SH3BP2: variants seen among roughly 807,000 people sequenced by gnomAD.
SH3BP2 encodes the protein SH3 domain-binding protein 2.
In SH3BP2, 38 loss-of-function variants were observed where a neutral mutation model predicts 56.2. The ratio of observed to expected loss-of-function variants is 0.68; its 90% CI spans 0.52 to 0.89. SH3BP2 has a LOEUF of 0.89. Ranked by LOEUF, SH3BP2 falls within the 40% of genes least tolerant of loss-of-function variation. The pLI is 0.00. For missense variants in SH3BP2, 748 were observed against 762.6 expected (o/e 0.98, Z 0.23); for synonymous variants, 346 against 316.7 (o/e 1.09, Z -0.98).
At chr4:2,812,971 G>T (rs430979) in intron 1 of SH3BP2, among the ~76,000 whole-genome samples, 83,919 of 151,960 alleles carry the variant, frequency 0.55, 23,304 homozygotes, top group Admixed American at 0.63. Context: ...TGGAGGACCC[G>T]CAGGGACCTC....
At position 2,825,193 on chromosome 4, in the gene SH3BP2, C is replaced by T. The variant is rs777507314; in HGVS notation, c.425C>T (p.Thr142Ile). 2.5e-6 allele frequency: 4 copies of T among 1,576,686 alleles called. No homozygotes were observed. The highest frequency in any genetic ancestry group is 1.8e-5 in the Admixed American group (1 of 54,708). Reference protein sequence around the residue: ...FHEKKDLPLDTSDSSSDTDSF... With the variant: ...FHEKKDLPLDISDSSSDTDSF... Reference sequence around the variant, plus strand: ...GAAAAGAAAGACCTGCCCTTGGACACCAGGTGAGCCCGGGCCCAGGGCATA... The same window carrying T: ...GAAAAGAAAGACCTGCCCTTGGACATCAGGTGAGCCCGGGCCCAGGGCATA... The change falls in exon 5 of 13, where the codon ACC (threonine) becomes ATC (isoleucine). Residue 142 changes from threonine to isoleucine, a missense_variant. By Grantham distance (89) the Thr-to-Ile change is moderately conservative. Transcript: ENST00000503393.
Position 2,831,671 on chromosome 4 carries a change from T to C in SH3BP2, c.1342T>C (p.Tyr448His), listed in dbSNP as rs1473887092. The C allele has an allele frequency of 1.9e-6, 3 of 1,588,924 alleles. No individual in the cohort carries two copies. The highest frequency in any genetic ancestry group is 2.6e-6 in the Non-Finnish European group (3 of 1,166,866). Residue 448 changes from tyrosine (Y) to histidine (H), a missense_variant, in exon 9 of 13, where the codon TAT (tyrosine) becomes CAT (histidine). Physicochemically the swap from Tyr to His is moderately conservative, Grantham distance 83. Coordinates refer to ENST00000503393, the MANE Select transcript of SH3BP2 (RefSeq NM_001122681.2). The surrounding 1 kb of genome is among the most constrained non-coding windows in gnomAD (Gnocchi z 4.1). ...DTGGDDSDED[Y>H]EKVPLPNSVF... is the part of the protein sequence containing the mutation. ...TGGCGGGGACGACTCGGACGAGGAC[T>C]ATGAGAAGGCAAGGCTGAGCGGCAA... is the stretch of plus-strand genomic sequence containing the variant.
chr4:2,793,292 CGGGTCTCGGG>C (rs1263668261), intron 1 of SH3BP2, among the ~76,000 whole-genome samples, 154 bp downstream of exon 1: 1 of 115,028 alleles, frequency 8.7e-6, no homozygotes, highest in African/African-American at 3.5e-5. Flanking sequence ...CAGGTCTCGG[CGGGTCTCGGG>C]GGTCTCGGGG....
chr4:2,816,735 CATTA>C (rs1724018514), intron 1 of SH3BP2, among the ~76,000 whole-genome samples: 1 of 152,184 alleles, frequency 6.6e-6, no homozygotes. Context: ...TGGTGTATTA[CATTA>C]ATTGTTTTGA....
chr4:2,823,668 C>A (rs1262985604), intron 3 of SH3BP2: 2 of 371,592 alleles, frequency 5.4e-6, no homozygotes, highest in African/African-American at 4.2e-5. Flanking sequence ...GCACCCAGCT[C>A]TGGTTCTGGT....
Position 2,830,187 on chromosome 4 carries a change from C to G in SH3BP2, c.1241+40C>G, listed in dbSNP as rs59360049. 69,014 of 1,573,768 alleles carry G rather than the reference C, an allele frequency of 0.044. 1,824 individuals are homozygous for G. Among genetic ancestry groups the G allele is most frequent in the South Asian group, 0.091 (8,047 of 88,518 alleles). On this transcript the variant is annotated intron_variant, in intron 8 of 12. Coordinates refer to ENST00000503393, the MANE Select transcript of SH3BP2 (RefSeq NM_001122681.2). ...CGGCTGCAAGCCCTGCCTCCAGCTACAGGGACCCTGGCCTGGCCTCTGACG... is the reference window on the plus strand; with the variant it reads ...CGGCTGCAAGCCCTGCCTCCAGCTAGAGGGACCCTGGCCTGGCCTCTGACG...
chr4:2,824,611 A>T lies in SH3BP2; in HGVS notation c.240-2A>T, dbSNP rs1194939250. The stretch of plus-strand genomic sequence containing the variant: ...CCGTGACCCCTGGCGCTGTGCCCCC[A>T]GGGTGATGCGGGCGGCTGAGGAGAC... On this transcript the variant is annotated splice_acceptor_variant, in intron 3 of 12. Transcript: ENST00000503393. LOFTEE classifies it high-confidence loss of function. The T allele has an allele frequency of 6.2e-7, 1 of 1,612,380 alleles. No individual in the cohort carries two copies. The highest frequency in any genetic ancestry group is 8.5e-7 in the Non-Finnish European group (1 of 1,179,082).
chr4:2,795,105 G>A (rs1017643098), intron 1 of SH3BP2, among the ~76,000 whole-genome samples: 1 of 152,192 alleles, frequency 6.6e-6, no homozygotes, highest in African/African-American at 2.4e-5. Flanking sequence ...CCGTAGGGGG[G>A]ATGGTGGTGG....
At chr4:2,815,787 T>C (rs944449424) in intron 1 of SH3BP2, among the ~76,000 whole-genome samples, 1 of 152,188 alleles carries the variant, frequency 6.6e-6, no homozygotes, top group Admixed American at 6.5e-5. Flanking sequence ...CTTTTGGGGC[T>C]ACCTGGGTGT....
chr4:2,822,510 C>G (rs1724363779), intron 2 of SH3BP2, among the ~76,000 whole-genome samples: 1 of 152,216 alleles, frequency 6.6e-6, no homozygotes, highest in Admixed American at 6.5e-5. Context: ...GCTGGGATCG[C>G]AGGCGTGAGC....
At chr4:2,798,977 C>A in intron 1 of SH3BP2, 1 of 985,688 alleles carries the variant, frequency 1.0e-6, no homozygotes, top group Non-Finnish European at 1.2e-6. Context: ...TGGGAGTGGC[C>A]CCCCAGGAGC....
chr4:2,814,613 G>A (rs1374427279), intron 1 of SH3BP2, among the ~76,000 whole-genome samples: 1 of 152,222 alleles, frequency 6.6e-6, no homozygotes, highest in Non-Finnish European at 1.5e-5. Flanking sequence ...GAGCCCAGCA[G>A]CCACCACCAG....
Position 2,833,992 on chromosome 4 carries a change from T to C in SH3BP2, c.*158T>C. 1 of 898,202 alleles carries C rather than the reference T, an allele frequency of 1.1e-6. No homozygotes were observed. Among genetic ancestry groups the C allele is most frequent in the Non-Finnish European group, 1.6e-6 (1 of 607,410 alleles). 55.6% of individuals were successfully genotyped at this position (898,202 alleles called of 1,614,324 possible). A position where few individuals can be genotyped will look rare whatever the true frequency, so the allele number is the denominator to read the frequency against. On this transcript the variant is annotated 3_prime_UTR_variant, in exon 13 of 13. Coordinates refer to ENST00000503393, the MANE Select transcript of SH3BP2 (RefSeq NM_001122681.2). Reference sequence around the variant, plus strand: ...ATCTCGTAGGACCCAGCCAGTCTCATCCAGCAGGTTGGGTTCTAGGGCTGA... The same window carrying C: ...ATCTCGTAGGACCCAGCCAGTCTCACCCAGCAGGTTGGGTTCTAGGGCTGA...
intron 12 of SH3BP2, 127 bp downstream of exon 12, chr4:2,833,176 C>A: frequency 1.2e-6 from 1 of 827,072 alleles, no homozygotes; most frequent in Non-Finnish European, 2.1e-6. Flanking sequence ...ACCGCCCTCC[C>A]CTTCCCCTCC....
At chr4:2,815,537 C>G (rs1723957243) in intron 1 of SH3BP2, among the ~76,000 whole-genome samples, 1 of 152,250 alleles carries the variant, frequency 6.6e-6, no homozygotes, top group African/African-American at 2.4e-5. Context: ...GGACTGTAAC[C>G]TGTCCCTGTA....
chr4:2,806,692 C>T (rs1266708922), intron 1 of SH3BP2, among the ~76,000 whole-genome samples: 1 of 152,232 alleles, frequency 6.6e-6, no homozygotes, highest in East Asian at 1.9e-4. Context: ...AGTGTACGGC[C>T]CCTGCCTGGC....
intron 1 of SH3BP2, among the ~76,000 whole-genome samples, chr4:2,804,368 C>T (rs896477796): frequency 6.6e-6 from 1 of 152,174 alleles, no homozygotes; most frequent in African/African-American, 2.4e-5. Context: ...AGGGTGAGCA[C>T]CAGACCACTC....
At chr4:2,800,965 G>C (rs1315572009) in intron 1 of SH3BP2, among the ~76,000 whole-genome samples, 1 of 152,198 alleles carries the variant, frequency 6.6e-6, no homozygotes, top group Non-Finnish European at 1.5e-5. Flanking sequence ...TGAGGCTGCA[G>C]CAGAAAGGCT....
rs747539694 is a variant in SH3BP2, at chr4:2,829,592, A to G, written c.686A>G (p.Lys229Arg). 14 of 1,612,318 alleles carry G rather than the reference A, an allele frequency of 8.7e-6. No individual in the cohort carries two copies. The South Asian group carries it at 9.9e-5, about 11-fold the overall frequency. Residue 229 changes from lysine to arginine, a missense_variant, in exon 8 of 13, where the codon AAG becomes AGG. By Grantham distance (26) the Lys-to-Arg change is conservative. Transcript: ENST00000503393. The surrounding 1 kb of genome is among the most constrained non-coding windows in gnomAD (Gnocchi z 4.9). ...CCCCGGGCCCACTCCTTTACCTCCAAGGGCCCCGGTCCCCTACTGCCACCC... is the reference window on the plus strand; with the variant it reads ...CCCCGGGCCCACTCCTTTACCTCCAGGGGCCCCGGTCCCCTACTGCCACCC... ...DMPRAHSFTS[K>R]GPGPLLPPPP...
Sources: allele counts gnomAD v4.1 joint callset (sites outside exome capture counted in the v4.1 genomes callset), GRCh38; gene constraint gnomAD v4.1.1; non-coding constraint Gnocchi (gnomAD v3.1); transcripts MANE v1.5; gene names NCBI Gene and HGNC (gene_info 2026-07-23, HGNC 2026-07-21).